Variants in MTA3 observed in about 807,000 individuals in gnomAD.
The protein encoded by MTA3 is metastasis-associated protein MTA3.
A neutral mutation model predicts 83.5 loss-of-function variants in MTA3; 34 were observed. The ratio of observed to expected loss-of-function variants is 0.41; its 90% CI spans 0.31 to 0.54. The LOEUF is 0.54. Ranked by LOEUF, MTA3 falls within the 20% of genes least tolerant of loss-of-function variation. MTA3 has a pLI of 0.33. For missense variants in MTA3, 761 were observed against 726.4 expected (o/e 1.05, Z -0.55); for synonymous variants, 303 against 252.7 (o/e 1.20, Z -1.89).
rs1670094446 is a variant in MTA3 at position 42,754,314 on chromosome 2, A to G, written c.*915A>G. On this transcript the variant is annotated 3_prime_UTR_variant, in exon 17 of 17. Transcript: ENST00000405094. Reference sequence around the variant, plus strand: ...TAAGCAGACAGACTCTGTTTGGCCTAGAGGTGTGGAGTGAGAGAACTGTGT... The same window carrying G: ...TAAGCAGACAGACTCTGTTTGGCCTGGAGGTGTGGAGTGAGAGAACTGTGT... The G allele has an allele frequency of 8.1e-6, 8 of 985,468 alleles. No homozygotes were observed. Among genetic ancestry groups the G allele is most frequent in the Non-Finnish European group, 9.6e-6 (8 of 829,956 alleles). 61.0% of individuals were successfully genotyped at this position (985,468 alleles called of 1,614,324 possible).
At chr2:42,712,662 C>T (rs1666721747) in intron 14 of MTA3, 1 of 152,140 alleles carries the variant, frequency 6.6e-6, no homozygotes, top group Admixed American at 6.5e-5. Context: ...CAAAATTCTT[C>T]ATTGCATAAA....
intron 11 of MTA3, among the ~76,000 whole-genome samples, chr2:42,698,913 T>C (rs1693618456): frequency 6.6e-6 from 1 of 152,206 alleles, no homozygotes. Flanking sequence ...TTCTAAATTA[T>C]ATGTTTTATA....
intron 3 of MTA3, among the ~76,000 whole-genome samples, chr2:42,596,655 A>C (rs1681821990): frequency 6.6e-6 from 1 of 152,198 alleles, no homozygotes; most frequent in South Asian, 2.1e-4. Context: ...AATTGATGTC[A>C]CATTGCTTAT....
chr2:42,652,468 A>C (rs1349427281), intron 6 of MTA3, among the ~76,000 whole-genome samples: 1 of 152,194 alleles, frequency 6.6e-6, no homozygotes, highest in East Asian at 1.9e-4. Flanking sequence ...ATACCGAAGA[A>C]GTATATTTTG....
intron 7 of MTA3, among the ~76,000 whole-genome samples, chr2:42,657,958 G>C (rs994107694): frequency 6.7e-6 from 1 of 149,960 alleles, no homozygotes; most frequent in African/African-American, 2.5e-5. Context: ...TGTAATCCCA[G>C]CTACTTGGGA....
At chr2:42,676,386 A>G (rs1031142483) in intron 8 of MTA3, among the ~76,000 whole-genome samples, 1 of 152,230 alleles carries the variant, frequency 6.6e-6, no homozygotes, top group Non-Finnish European at 1.5e-5. Context: ...CTGAAAATCC[A>G]TTCATGATTT....
intron 4 of MTA3, among the ~76,000 whole-genome samples, chr2:42,633,580 A>G (rs184762006): frequency 4.6e-5 from 7 of 151,704 alleles, no homozygotes; most frequent in Admixed American, 3.3e-4. Context: ...TCCTGTCTCA[A>G]AAAAGAAGTC....
chr2:42,545,544 T>TA (rs1558426198), intron 2 of MTA3, among the ~76,000 whole-genome samples: 1 of 151,978 alleles, frequency 6.6e-6, no homozygotes, highest in Non-Finnish European at 1.5e-5. Flanking sequence ...GAGTTGGAGT[T>TA]AAAAATGTGT....
chr2:42,646,786 A>G (rs1422908175), intron 6 of MTA3, among the ~76,000 whole-genome samples: 1 of 152,156 alleles, frequency 6.6e-6, no homozygotes, highest in South Asian at 2.1e-4. Flanking sequence ...TGAAATGGCA[A>G]CGAAGGATTT....
At chr2:42,686,152 G>C (rs1193493883) in intron 9 of MTA3, among the ~76,000 whole-genome samples, 2 of 152,112 alleles carry the variant, frequency 1.3e-5, no homozygotes, top group African/African-American at 4.8e-5. Flanking sequence ...ATTATTTTCT[G>C]CTTCCAGTGT....
chr2:42,711,349 G>A (rs563402305), intron 14 of MTA3, among the ~76,000 whole-genome samples: 1 of 151,880 alleles, frequency 6.6e-6, no homozygotes, highest in South Asian at 2.1e-4. Flanking sequence ...CTCAATTGAC[G>A]GGCCATGCTG....
intron 4 of MTA3, among the ~76,000 whole-genome samples, chr2:42,637,238 A>G (rs770449672): frequency 6.6e-6 from 1 of 152,234 alleles, no homozygotes; most frequent in Non-Finnish European, 1.5e-5. Flanking sequence ...GGTTCTGTGT[A>G]GAAAAGTAGT....
At chr2:42,573,491 C>CT (rs1228583475) in intron 2 of MTA3, among the ~76,000 whole-genome samples, 1 of 152,024 alleles carries the variant, frequency 6.6e-6, no homozygotes, top group Non-Finnish European at 1.5e-5. Flanking sequence ...AGACTACAGG[C>CT]ATGTACCACC....
chr2:42,702,057 A>G (rs1665624852), intron 11 of MTA3, among the ~76,000 whole-genome samples: 1 of 151,964 alleles, frequency 6.6e-6, no homozygotes, highest in South Asian at 2.1e-4. Flanking sequence ...CTAAAAATGT[A>G]AAAATTAGGC....
intron 2 of MTA3, among the ~76,000 whole-genome samples, chr2:42,525,598 C>CTTTCT: frequency 1.2e-5 from 1 of 82,744 alleles, no homozygotes; most frequent in South Asian, 5.8e-4. Flanking sequence ...CCTTTCCTTC[C>CTTTCT]TTCCTTTCCT....
At chr2:42,737,681 T>C (rs76058172) in intron 16 of MTA3, among the ~76,000 whole-genome samples, 2,284 of 152,276 alleles carry the variant, frequency 0.015, 49 homozygotes, top group African/African-American at 0.049. Context: ...CCAAATACTT[T>C]ATGAGGTAAA....
At chr2:42,738,183 G>C (rs536250497) in intron 16 of MTA3, among the ~76,000 whole-genome samples, 2 of 152,242 alleles carry the variant, frequency 1.3e-5, no homozygotes, top group East Asian at 1.9e-4. Context: ...GGTGGATTGA[G>C]ACTGGGAGGT....
In MTA3 at chr2:42,756,072, A is replaced by C; in HGVS notation, c.*2673A>C. 1.0e-6 allele frequency: 1 copy of C among 966,598 alleles called. No homozygotes were observed. The highest frequency in any genetic ancestry group is 1.2e-6 in the Non-Finnish European group (1 of 812,802). The allele number at this position is 966,598 out of a possible 1,614,324, so 59.9% of individuals were successfully genotyped here. A position where few individuals can be genotyped will look rare whatever the true frequency, so the allele number is the denominator to read the frequency against. On this transcript the variant is annotated 3_prime_UTR_variant, in exon 17 of 17. Coordinates refer to ENST00000405094, the MANE Select transcript of MTA3 (RefSeq NM_001330442.2). ...TTTCATCCAGAGATTTGTTTAACACAAAACAAGAAAAGCTGAGAGGCAAAA... is the reference window on the plus strand; with the variant it reads ...TTTCATCCAGAGATTTGTTTAACACCAAACAAGAAAAGCTGAGAGGCAAAA...
intron 11 of MTA3, among the ~76,000 whole-genome samples, chr2:42,701,948 C>G (rs1222241763): frequency 1.3e-5 from 2 of 150,412 alleles, no homozygotes; most frequent in Non-Finnish European, 2.9e-5. Flanking sequence ...TGGTGGCTCA[C>G]GCCTGTAATC....
Sources: allele counts gnomAD v4.1 joint callset (sites outside exome capture counted in the v4.1 genomes callset), GRCh38; gene constraint gnomAD v4.1.1; transcripts MANE v1.5; gene names NCBI Gene and HGNC (gene_info 2026-07-23, HGNC 2026-07-21).